The following KHDRBS2 variants were observed in gnomAD, a reference collection of about 807,000 sequenced individuals.
KHDRBS2 encodes KH domain-containing, RNA-binding, signal transduction-associated protein 2.
KHDRBS2 carries 26 observed loss-of-function variants against 44.3 expected under a neutral mutation model. The observed-to-expected ratio is 0.59, with a 90% CI of 0.43 to 0.81. The LOEUF is 0.81. Among genes scored for constraint, KHDRBS2 ranks in the 40% least tolerant of loss-of-function variants. KHDRBS2 has a pLI of 0.00. For missense variants in KHDRBS2, 476 were observed against 433.1 expected, an observed-to-expected ratio of 1.10 and a Z score of -0.88; for synonymous variants, 194 against 151.1, an observed-to-expected ratio of 1.28 and a Z score of -2.08.
the KHDRBS2 span, among the ~76,000 whole-genome samples, chr6:61,574,680 T>A: frequency 0.034 from 5,217 of 152,062 alleles, 289 homozygotes; most frequent in African/African-American, 0.12. Flanking sequence ...CTGAGGCAGG[T>A]GGATACCTGA....
At chr6:61,835,742 TGAGA>T (rs1216910590) in intron 6 of KHDRBS2, among the ~76,000 whole-genome samples, 2 of 146,898 alleles carry the variant, frequency 1.4e-5, no homozygotes, top group Non-Finnish European at 3.0e-5. Context: ...TGTGTGTGCA[TGAGA>T]GAGAAAGATT....
At chr6:62,030,473 T>G (rs180775042) in intron 3 of KHDRBS2, among the ~76,000 whole-genome samples, 1 of 152,032 alleles carries the variant, frequency 6.6e-6, no homozygotes, top group African/African-American at 2.4e-5. Flanking sequence ...TCTCTCTTAC[T>G]AGGGAATGAG....
chr6:62,120,613 T>C (rs991134729), intron 2 of KHDRBS2, among the ~76,000 whole-genome samples: 4 of 152,338 alleles, frequency 2.6e-5, no homozygotes, highest in South Asian at 2.1e-4. Context: ...AGCTCTGGCA[T>C]TGGCTAATTA....
chr6:62,231,755 T>G (rs1832937704), intron 1 of KHDRBS2, among the ~76,000 whole-genome samples: 1 of 152,206 alleles, frequency 6.6e-6, no homozygotes, highest in Non-Finnish European at 1.5e-5. Flanking sequence ...CTTTCATTTT[T>G]TCCATTTGTT....
chr6:61,808,949 T>A (rs1190071742), intron 6 of KHDRBS2, among the ~76,000 whole-genome samples: 1 of 152,100 alleles, frequency 6.6e-6, no homozygotes, highest in Non-Finnish European at 1.5e-5. Context: ...AAATTTGGCA[T>A]AAAATGTGTT....
chr6:62,143,443 A>G (rs1813274895), intron 2 of KHDRBS2, among the ~76,000 whole-genome samples: 1 of 152,028 alleles, frequency 6.6e-6, no homozygotes, highest in Non-Finnish European at 1.5e-5. Flanking sequence ...TATTTCATTC[A>G]TATAACTTTG....
At chr6:61,775,302 C>T (rs113786478) in intron 6 of KHDRBS2, among the ~76,000 whole-genome samples, 4,317 of 152,036 alleles carry the variant, frequency 0.028, 221 homozygotes, top group African/African-American at 0.1. Context: ...GGCAATCAAG[C>T]AGCAGAAGGA....
intron 2 of KHDRBS2, among the ~76,000 whole-genome samples, chr6:62,087,097 A>T (rs1798536267): frequency 6.6e-6 from 1 of 152,174 alleles, no homozygotes; most frequent in Admixed American, 6.5e-5. Flanking sequence ...CTCTTTCTAG[A>T]AGATTCAGAA....
intron 6 of KHDRBS2, among the ~76,000 whole-genome samples, chr6:61,806,999 G>A (rs1366993727): frequency 6.6e-6 from 1 of 151,894 alleles, no homozygotes; most frequent in African/African-American, 2.4e-5. Context: ...TCCCCTTCTT[G>A]TGATGAAACA....
At chr6:62,096,507 G>A (rs1398234334) in intron 2 of KHDRBS2, among the ~76,000 whole-genome samples, 2 of 151,752 alleles carry the variant, frequency 1.3e-5, no homozygotes, top group Non-Finnish European at 2.9e-5. Context: ...ATATGTGGGG[G>A]TATAATTGTT....
intron 2 of KHDRBS2, among the ~76,000 whole-genome samples, chr6:62,053,277 G>T (rs974789608): frequency 1.3e-4 from 19 of 151,302 alleles, no homozygotes; most frequent in African/African-American, 4.6e-4. Context: ...AAATATCCAA[G>T]AACTCAGCAG....
the KHDRBS2 span, among the ~76,000 whole-genome samples, chr6:61,588,242 GATTA>G: frequency 3.9e-5 from 6 of 152,138 alleles, no homozygotes; most frequent in African/African-American, 9.7e-5. Context: ...AAATATGAGT[GATTA>G]ATTGTGTCAA....
intron 1 of KHDRBS2, among the ~76,000 whole-genome samples, chr6:62,254,888 AT>A (rs1837119347): frequency 1.3e-5 from 2 of 152,198 alleles, no homozygotes; most frequent in South Asian, 4.1e-4. Flanking sequence ...TCATGAAACA[AT>A]TGTTCAACTA....
At chr6:61,557,218 A>G in the KHDRBS2 span, among the ~76,000 whole-genome samples, 21 of 152,296 alleles carry the variant, frequency 1.4e-4, no homozygotes, top group African/African-American at 4.1e-4. Flanking sequence ...TGCATTATAT[A>G]TGCTTATACT....
At chr6:62,208,703 A>G (rs1434676600) in intron 1 of KHDRBS2, among the ~76,000 whole-genome samples, 1 of 152,182 alleles carries the variant, frequency 6.6e-6, no homozygotes, top group African/African-American at 2.4e-5. Context: ...TACCAAGAGT[A>G]TACTAGGATT....
At chr6:61,963,061 C>T (rs1245047937) in intron 4 of KHDRBS2, among the ~76,000 whole-genome samples, 1 of 152,046 alleles carries the variant, frequency 6.6e-6, no homozygotes, top group Non-Finnish European at 1.5e-5. Context: ...ACCACATAAG[C>T]TGGTTGCTAT....
intron 6 of KHDRBS2, among the ~76,000 whole-genome samples, chr6:61,771,628 A>G (rs1338285192): frequency 2.0e-5 from 3 of 152,232 alleles, no homozygotes; most frequent in Non-Finnish European, 4.4e-5. Flanking sequence ...ATTCCACAAG[A>G]AGAGCTAACT....
At chr6:62,200,209 G>A (rs1273055789) in intron 1 of KHDRBS2, among the ~76,000 whole-genome samples, 2 of 152,064 alleles carry the variant, frequency 1.3e-5, no homozygotes, top group African/African-American at 4.8e-5. Context: ...CAAAAGCAAT[G>A]GCAACAGAAG....
chr6:62,120,932 G>A (rs1807482740), intron 2 of KHDRBS2, among the ~76,000 whole-genome samples: 1 of 152,156 alleles, frequency 6.6e-6, no homozygotes, highest in Non-Finnish European at 1.5e-5. Flanking sequence ...GTGCAATGGG[G>A]AAAGAGGAAT....
Sources: gnomAD v4.1 joint callset for allele counts (sites outside exome capture counted in the v4.1 genomes callset) on GRCh38, gnomAD v4.1.1 for gene constraint, MANE v1.5 for transcripts, NCBI Gene and HGNC (gene_info 2026-07-23, HGNC 2026-07-21) for gene names.